LAMP5: variants seen among roughly 807,000 people sequenced by gnomAD.
LAMP5 encodes lysosome associated membrane protein 5, also known as lysosome-associated membrane glycoprotein 5.
Under a neutral mutation model 30.2 loss-of-function variants are expected in LAMP5, and 36 were observed. That is an observed-to-expected ratio of 1.19 (90% CI 0.91 to 1.57). The LOEUF (loss-of-function observed/expected upper bound fraction) is 1.57. Ranked by LOEUF, LAMP5 falls within the 40% of genes most tolerant of loss-of-function variation. The pLI, the probability that LAMP5 is intolerant of heterozygous loss-of-function variation, is 0.00. For synonymous variants in LAMP5, 149 were observed against 134.6 expected, an observed-to-expected ratio of 1.11 and a Z score of -0.74; for missense variants, 377 against 354.9, an observed-to-expected ratio of 1.06 and a Z score of -0.50.
In LAMP5 at chr20:9,518,201, A is replaced by G. The variant is rs1467098335; in HGVS notation, c.637A>G (p.Ile213Val). ...TGCGGTCCACATCCAACCTTTTGAC[A>G]TTATCTCAGATTTTGTCTTCAGTGA... ...LSAVHIQPFD[I>V]ISDFVFSEEH... The change falls in exon 5 of 6, where the codon ATT becomes GTT. Residue 213 changes from isoleucine to valine, a missense_variant. By Grantham distance (29) the Ile-to-Val change is conservative. Transcript: ENST00000246070. 27 of 1,614,094 alleles carry G rather than the reference A, an allele frequency of 1.7e-5. No homozygotes were observed. Among genetic ancestry groups the G allele is most frequent in the Non-Finnish European group, 2.3e-5 (27 of 1,180,000 alleles).
chr20:9,523,202 G>A (rs1476791347), intron 5 of LAMP5, among the ~76,000 whole-genome samples: 1 of 152,072 alleles, frequency 6.6e-6, no homozygotes, highest in Non-Finnish European at 1.5e-5. Context: ...TGATGTTATA[G>A]GAGTCCAGGG....
chr20:9,515,883 TGC>T, intron 2 of LAMP5, 115 bp from the exon 3 acceptor site: 5 of 1,227,136 alleles, frequency 4.1e-6, no homozygotes, highest in Non-Finnish European at 5.5e-6. Flanking sequence ...GAACCTGGGA[TGC>T]GCGCGCGCAA....
At chr20:9,525,352 C>A (rs1460624743) in intron 5 of LAMP5, among the ~76,000 whole-genome samples, 2 of 152,150 alleles carry the variant, frequency 1.3e-5, no homozygotes, top group Non-Finnish European at 2.9e-5. Flanking sequence ...CTACTCTGTG[C>A]CAGGCACTGT....
chr20:9,529,461 C>T (rs1207904986), intron 5 of LAMP5, among the ~76,000 whole-genome samples, 181 bp from the exon 6 acceptor site: 10 of 152,150 alleles, frequency 6.6e-5, no homozygotes, highest in African/African-American at 1.9e-4. Context: ...ATTTTTATTA[C>T]GCATTATGTA....
rs781037607 is a variant in LAMP5, at chr20:9,529,688, GC to G, written c.715del (p.Leu239Ter). ...AGCGGGAGCAACTGGAAGAAACCTT[GC>G]CCCTGATTTTGGGGCTCATCTTGGG... ...DEREQLEETLPLILGLILGLV... is the reference protein window; with the variant it reads ...DEREQLEETLXLILGLILGLV... On this transcript the variant is annotated frameshift_variant, in exon 6 of 6. Transcript: ENST00000246070. LOFTEE classifies it high-confidence loss of function. 6.2e-7 allele frequency: 1 copy of G among 1,614,022 alleles called. No individual in the cohort carries two copies. Among genetic ancestry groups the G allele is most frequent in the East Asian group, 2.2e-5 (1 of 44,880 alleles).
chr20:9,515,643 C>T lies in LAMP5; in HGVS notation c.237+18C>T, dbSNP rs780280553. 3 of 1,612,194 alleles carry T rather than the reference C, an allele frequency of 1.9e-6. No homozygotes were observed. The highest frequency in any genetic ancestry group is 1.3e-5 in the African/African-American group (1 of 75,000). Reference sequence around the variant, plus strand: ...ACGTAGATGTAAGGAATCTTTCCCCCCCCTCAGCTTGCTCCTAGGGCTCCA... The same window carrying T: ...ACGTAGATGTAAGGAATCTTTCCCCTCCCTCAGCTTGCTCCTAGGGCTCCA... On this transcript the variant is annotated intron_variant, in intron 2 of 5. Transcript: ENST00000246070.
At chr20:9,529,436 C>G (rs1245685024) in intron 5 of LAMP5, among the ~76,000 whole-genome samples, 1 of 152,064 alleles carries the variant, frequency 6.6e-6, no homozygotes, top group Non-Finnish European at 1.5e-5. Flanking sequence ...ACATGTTGTC[C>G]TAGTTAATTG....
In LAMP5 at chr20:9,529,915, A is replaced by C; in HGVS notation, c.*95A>C. On this transcript the variant is annotated 3_prime_UTR_variant, in exon 6 of 6. Coordinates refer to ENST00000246070, the MANE Select transcript of LAMP5 (RefSeq NM_012261.4). ...TCCATCTTGTACACGAGATACACCAACATAGCTACAATCAAACAGGCCTGG... is the reference window on the plus strand; with the variant it reads ...TCCATCTTGTACACGAGATACACCACCATAGCTACAATCAAACAGGCCTGG... 8.1e-7 allele frequency: 1 copy of C among 1,241,346 alleles called. No individual in the cohort carries two copies. Among genetic ancestry groups the C allele is most frequent in the Non-Finnish European group, 1.1e-6 (1 of 876,420 alleles). 76.9% of individuals were successfully genotyped at this position (1,241,346 alleles called of 1,614,324 possible). A position where few individuals can be genotyped will look rare whatever the true frequency, so the allele number is the denominator to read the frequency against.
rs750223029 is a variant in LAMP5 at position 9,516,037 on chromosome 20, G to T, written c.275G>T (p.Gly92Val). 1.7e-4 allele frequency: 267 copies of T among 1,536,720 alleles called. No individual in the cohort carries two copies. The highest frequency in any genetic ancestry group is 2.3e-4 in the Non-Finnish European group (259 of 1,148,422). The change falls in exon 3 of 6, where the codon GGA (glycine) becomes GTA (valine). Residue 92 changes from glycine to valine, a missense_variant. Transcript: ENST00000246070. ...TEQADIALTR[G>V]AEVKGRCGHS... ...CAGGCCGATATCGCATTGACCCGGG[G>T]AGCTGAGGTGAAGGGCCGCTGTGGC... is the stretch of plus-strand genomic sequence containing the variant.
intron 5 of LAMP5, among the ~76,000 whole-genome samples, chr20:9,526,856 GTGTGTATATATA>G (rs1384325670): frequency 4.0e-5 from 3 of 75,650 alleles, no homozygotes; most frequent in Non-Finnish European, 7.3e-5. Flanking sequence ...ATATGTGTGT[GTGTGTATATATA>G]TATATATATA....
chr20:9,518,300 G>C (rs2045056763), intron 5 of LAMP5, 72 bp downstream of exon 5: 4 of 1,385,584 alleles, frequency 2.9e-6, no homozygotes, highest in South Asian at 1.3e-5. Context: ...GACCTACCAG[G>C]GCCCCAGGAT....
intron 5 of LAMP5, among the ~76,000 whole-genome samples, chr20:9,520,591 G>GCA: frequency 7.3e-6 from 1 of 137,374 alleles, no homozygotes; most frequent in South Asian, 2.4e-4. Context: ...GTGTGTGTGT[G>GCA]TGTGTGTGTG....
intron 2 of LAMP5, 115 bp from the exon 3 acceptor site, chr20:9,515,885 C>T (rs571410178): frequency 8.1e-7 from 1 of 1,227,342 alleles, no homozygotes; most frequent in East Asian, 2.6e-5. Context: ...ACCTGGGATG[C>T]GCGCGCGCAA....
At chr20:9,522,887 T>A (rs895713885) in intron 5 of LAMP5, among the ~76,000 whole-genome samples, 1 of 152,020 alleles carries the variant, frequency 6.6e-6, no homozygotes, top group African/African-American at 2.4e-5. Flanking sequence ...GGATAGGGTG[T>A]ATACAATGCA....
At chr20:9,525,182 A>G (rs1400491614) in intron 5 of LAMP5, among the ~76,000 whole-genome samples, 1 of 152,062 alleles carries the variant, frequency 6.6e-6, no homozygotes, top group Non-Finnish European at 1.5e-5. Flanking sequence ...CTTTTCTCTA[A>G]TTTTCTTAAA....
At chr20:9,518,493 C>T (rs2045058293) in intron 5 of LAMP5, among the ~76,000 whole-genome samples, 1 of 152,194 alleles carries the variant, frequency 6.6e-6, no homozygotes, top group Non-Finnish European at 1.5e-5. Context: ...CCTTTGTTTC[C>T]TCCTTCTTCT....
Position 9,514,917 on chromosome 20 carries a change from G to C in LAMP5, c.64+1G>C. On this transcript the variant is annotated splice_donor_variant, in intron 1 of 5. Coordinates refer to ENST00000246070, the MANE Select transcript of LAMP5 (RefSeq NM_012261.4). LOFTEE classifies it high-confidence loss of function. ...CTTCGAGTTCTCCTGATGTTGTTCC[G>C]TGAGTAGCGATTTGGCGACTGGGAG... The C allele has an allele frequency of 6.2e-7, 1 of 1,614,028 alleles. No individual in the cohort carries two copies. The highest frequency in any genetic ancestry group is 8.5e-7 in the Non-Finnish European group (1 of 1,179,902).
intron 5 of LAMP5, among the ~76,000 whole-genome samples, chr20:9,527,661 A>C (rs1435839817): frequency 6.6e-6 from 1 of 152,190 alleles, no homozygotes; most frequent in Admixed American, 6.5e-5. Context: ...GTGGCTCCTG[A>C]TTTTGGTTAA....
chr20:9,529,940 G>T lies in LAMP5; in HGVS notation c.*120G>T. The T allele has an allele frequency of 1.0e-6, 1 of 990,100 alleles. No individual in the cohort carries two copies. Among genetic ancestry groups the T allele is most frequent in the East Asian group, 2.5e-5 (1 of 39,962 alleles). The allele number at this position is 990,100 out of a possible 1,614,324, so 61.3% of individuals were successfully genotyped here. On this transcript the variant is annotated 3_prime_UTR_variant, in exon 6 of 6. Coordinates refer to ENST00000246070, the MANE Select transcript of LAMP5 (RefSeq NM_012261.4). ...ACATAGCTACAATCAAACAGGCCTG[G>T]GTATCTGAGGCTTGCTTGGCTTGTG...
Sources: gnomAD v4.1 joint callset for allele counts (sites outside exome capture counted in the v4.1 genomes callset) on GRCh38, gnomAD v4.1.1 for gene constraint, MANE v1.5 for transcripts, NCBI Gene and HGNC (gene_info 2026-07-23, HGNC 2026-07-21) for gene names.